Variants in ZNF577 observed in about 807,000 individuals in gnomAD.
ZNF577 encodes zinc finger protein 577.
A neutral mutation model predicts 13.9 loss-of-function variants in ZNF577; 14 were observed. The observed-to-expected ratio is 1.00, with a 90% CI of 0.66 to 1.57. The LOEUF is 1.57. ZNF577 is among the 40% of genes most tolerant of loss of function. The pLI is 0.00. For missense variants in ZNF577, 555 were observed against 579.2 expected, an observed-to-expected ratio of 0.96 and a Z score of 0.43; for synonymous variants, 203 against 202.9, an observed-to-expected ratio of 1.00 and a Z score of 0.00.
downstream of ZNF577, among the ~76,000 whole-genome samples, chr19:51,866,098 A>G (rs769510419): frequency 1.2e-4 from 18 of 151,680 alleles, no homozygotes; most frequent in Admixed American, 4.6e-4. Context: ...CTGGCGACAG[A>G]GCAAGACTCC....
At chr19:51,851,754 G>T (rs1287469512) in intron 5 of ZNF577, among the ~76,000 whole-genome samples, 1 of 152,174 alleles carries the variant, frequency 6.6e-6, no homozygotes, top group African/African-American at 2.4e-5. Context: ...TTCCCTGAAA[G>T]CTAGTGGGTC....
chr19:51,880,576 G>A (rs891885561), intron 2 of ZNF577, 103 bp downstream of exon 2: 3 of 623,340 alleles, frequency 4.8e-6, no homozygotes, highest in African/African-American at 3.7e-5. Flanking sequence ...CACAGATCCT[G>A]ATTTTTATCA....
At chr19:51,818,708 C>G (rs1038245537) in intron 9 of ZNF577, among the ~76,000 whole-genome samples, 3 of 152,136 alleles carry the variant, frequency 2.0e-5, no homozygotes, top group African/African-American at 7.2e-5. Context: ...TGGCAAGAAG[C>G]TGGCATGGTC....
At chr19:51,858,933 TA>T (rs1227796516) in intron 5 of ZNF577, among the ~76,000 whole-genome samples, 2 of 152,360 alleles carry the variant, frequency 1.3e-5, no homozygotes, top group Admixed American at 1.3e-4. Flanking sequence ...CATCTCTATC[TA>T]GTTCAAAAAC....
intron 5 of ZNF577, 92 bp downstream of exon 5, chr19:51,877,190 T>C: frequency 8.9e-7 from 1 of 1,120,990 alleles, no homozygotes; most frequent in Non-Finnish European, 1.3e-6. Flanking sequence ...TGTGAAGTCC[T>C]CTAAAGAACA....
At chr19:51,823,142 C>G (rs564595343) in intron 9 of ZNF577, among the ~76,000 whole-genome samples, 37 of 152,276 alleles carry the variant, frequency 2.4e-4, no homozygotes, top group African/African-American at 8.9e-4. Flanking sequence ...GGGTTACAGG[C>G]ATGAGTCACC....
intron 1 of ZNF577, among the ~76,000 whole-genome samples, chr19:51,882,336 A>ACC (rs112121552): frequency 0.11 from 16,842 of 152,036 alleles, 996 homozygotes; most frequent in East Asian, 0.22. Flanking sequence ...GGGCAATGAT[A>ACC]CCACCCTGAC....
rs1454813730 is a variant in ZNF577 at position 51,873,136 on chromosome 19, A to G, written c.854T>C (p.Leu285Pro). The G allele has an allele frequency of 3.1e-6, 5 of 1,614,046 alleles. No individual in the cohort carries two copies. The African/African-American group carries it at 6.7e-5, about 22-fold the overall frequency. The change falls in exon 6 of 6, where the codon CTC becomes CCC. Residue 285 changes from leucine (L) to proline (P), a missense_variant. By Grantham distance (98) the Leu-to-Pro change is moderately conservative (BLOSUM62 -3). Coordinates refer to ENST00000638348, the MANE Select transcript of ZNF577 (RefSeq NM_001370449.1). ...CGKAFSQKAY[L>P]TAHQRLHTGD... ...TGTGTGAAGTCTCTGGTGTGCAGTGAGGTATGCCTTCTGAGAAAAGGCTTT... is the reference window on the plus strand; with the variant it reads ...TGTGTGAAGTCTCTGGTGTGCAGTGGGGTATGCCTTCTGAGAAAAGGCTTT...
chr19:51,848,379 C>T (rs17695392), intron 5 of ZNF577, among the ~76,000 whole-genome samples: 9,812 of 152,212 alleles, frequency 0.064, 448 homozygotes, highest in Non-Finnish European at 0.096. Flanking sequence ...ACGCGGAAGA[C>T]GCTGGGAATA....
intron 5 of ZNF577, among the ~76,000 whole-genome samples, chr19:51,857,388 A>AAG (rs1405563569): frequency 8.3e-6 from 1 of 119,860 alleles, no homozygotes; most frequent in East Asian, 2.1e-4. Context: ...GAAAGAAAGA[A>AAG]AGAAAGAAAG....
At chr19:51,880,476 G>A (rs530331155) in intron 2 of ZNF577, 75 bp from the exon 3 acceptor site, 133 of 1,324,266 alleles carry the variant, frequency 1.0e-4, no homozygotes, top group Non-Finnish European at 1.1e-4. Flanking sequence ...GCTATGTTCC[G>A]ACATTAAGAA....
At chr19:51,882,681 C>A (rs1000934680) in intron 1 of ZNF577, among the ~76,000 whole-genome samples, 9 of 151,852 alleles carry the variant, frequency 5.9e-5, no homozygotes, top group South Asian at 2.1e-4. Context: ...GTACTTAGGA[C>A]GGTGAGGCAG....
rs1030353453 is a variant in ZNF577, at chr19:51,867,900, C to G, written c.*4632G>C. On this transcript the variant is annotated 3_prime_UTR_variant, in exon 6 of 6. Transcript: ENST00000638348. Reference sequence around the variant, plus strand: ...ATGAGGAATTTCTAGTCCTCTACCCCCACCCCTAAATACAGATACAGAAAA... The same window carrying G: ...ATGAGGAATTTCTAGTCCTCTACCCGCACCCCTAAATACAGATACAGAAAA... Among the ~76,000 whole-genome samples, 1 of 152,180 alleles carries G rather than the reference C, an allele frequency of 6.6e-6. No homozygotes were observed. The highest frequency in any genetic ancestry group is 2.4e-5 in the African/African-American group (1 of 41,444).
intron 9 of ZNF577, among the ~76,000 whole-genome samples, chr19:51,816,999 A>G (rs569260158): frequency 6.6e-6 from 1 of 152,164 alleles, no homozygotes; most frequent in South Asian, 2.1e-4. Flanking sequence ...TGAATCTCTG[A>G]AGAAGAAAGG....
chr19:51,880,258 G>A (rs533896902), intron 3 of ZNF577, 65 bp downstream of exon 3: 40 of 1,528,954 alleles, frequency 2.6e-5, no homozygotes, highest in African/African-American at 8.2e-5. Context: ...TGAGGATACC[G>A]TCAACCACAA....
chr19:51,832,053 G>C (rs1003858997), intron 9 of ZNF577, among the ~76,000 whole-genome samples: 1 of 152,150 alleles, frequency 6.6e-6, no homozygotes, highest in African/African-American at 2.4e-5. Flanking sequence ...CATAGCACTT[G>C]TTGTAGCTTT....
intron 5 of ZNF577, among the ~76,000 whole-genome samples, chr19:51,850,183 A>C (rs1005261424): frequency 7.9e-5 from 12 of 152,148 alleles, no homozygotes; most frequent in African/African-American, 2.7e-4. Context: ...ATGACCTCTA[A>C]GCCTCTGAAA....
At position 51,870,134 on chromosome 19, in the gene ZNF577, A is replaced by G. The variant is rs148748628; in HGVS notation, c.*2398T>C. 1.3e-5 allele frequency among the ~76,000 whole-genome samples: 2 copies of G among 152,190 alleles called. No homozygotes were observed. The highest frequency in any genetic ancestry group is 2.9e-5 in the Non-Finnish European group (2 of 68,026). On this transcript the variant is annotated 3_prime_UTR_variant, in exon 6 of 6. Transcript: ENST00000638348. ...GGTGGGGGGAACCCATCAGTAAATTATAGTTTTTATAATCCACTTGATTCA... is the reference window on the plus strand; with the variant it reads ...GGTGGGGGGAACCCATCAGTAAATTGTAGTTTTTATAATCCACTTGATTCA...
At chr19:51,856,004 T>G (rs2084414286) in intron 5 of ZNF577, 1 of 152,184 alleles carries the variant, frequency 6.6e-6, no homozygotes, top group Admixed American at 6.5e-5. Context: ...CAAATTAAAA[T>G]TCCACATACC....
Sources: gnomAD v4.1 joint callset for allele counts (sites outside exome capture counted in the v4.1 genomes callset) on GRCh38, gnomAD v4.1.1 for gene constraint, MANE v1.5 for transcripts, NCBI Gene and HGNC (gene_info 2026-07-23, HGNC 2026-07-21) for gene names.